Variants in CDKN2B-AS1 observed in about 807,000 individuals in gnomAD.
The protein encoded by CDKN2B-AS1 is CDKN2B and CDKN2A antisense cis and trans regulatory RNA 1, also known as CDKN2B antisense RNA 1 (non-protein coding).
chr9:22,057,402 T>A (rs1438131155), intron 4 of CDKN2B-AS1, among the ~76,000 whole-genome samples: 1 of 152,192 alleles, frequency 6.6e-6, no homozygotes, highest in Non-Finnish European at 1.5e-5. Context: ...GTATTTTTAA[T>A]CAAAATTAAT....
intron 1 of CDKN2B-AS1, among the ~76,000 whole-genome samples, chr9:22,025,690 C>A (rs1284316436): frequency 6.6e-6 from 1 of 152,198 alleles, no homozygotes; most frequent in Non-Finnish European, 1.5e-5. Context: ...GGTGGCCTTC[C>A]TTTCTCTCTG....
intron 3 of CDKN2B-AS1, among the ~76,000 whole-genome samples, chr9:22,050,879 G>T (rs973450049): frequency 6.6e-6 from 1 of 152,184 alleles, no homozygotes; most frequent in Admixed American, 6.5e-5. Context: ...CCTGCAAAGT[G>T]CTCAAGGAAG....
At chr9:22,083,934 C>T (rs1473077492) in intron 4 of CDKN2B-AS1, among the ~76,000 whole-genome samples, 3 of 152,190 alleles carry the variant, frequency 2.0e-5, no homozygotes, top group Admixed American at 6.5e-5. Context: ...ATACTCAAAA[C>T]TTCAGTTTTC....
At chr9:22,099,202 A>G (rs1368477986) in intron 4 of CDKN2B-AS1, among the ~76,000 whole-genome samples, 1 of 152,148 alleles carries the variant, frequency 6.6e-6, no homozygotes, top group Admixed American at 6.5e-5. Context: ...AGAACACTCC[A>G]TTTTTGAGGA....
chr9:22,031,432 A>G (rs952885070), intron 1 of CDKN2B-AS1, among the ~76,000 whole-genome samples: 4 of 152,200 alleles, frequency 2.6e-5, no homozygotes, highest in East Asian at 3.9e-4. Context: ...CATTTTAAAG[A>G]TGAGAAAAGC....
rs148396639 is a variant in CDKN2B-AS1, at chr9:22,055,398, T to C, written n.303-854T>C. 1.5e-3 allele frequency among the ~76,000 whole-genome samples: 233 copies of C among 152,342 alleles called. 4 individuals are homozygous for C. Among genetic ancestry groups the C allele is most frequent in the Middle Eastern group, 6.8e-3 (2 of 294 alleles). The stretch of plus-strand genomic sequence containing the variant: ...GGTTCAGGGATAACAAAAGTTGTTT[T>C]ATCCTTTGGGCTTTTGCAACTTGCC... On this transcript the variant is annotated intron_variant and non_coding_transcript_variant, in intron 3 of 4. Coordinates refer to ENST00000650946, the Ensembl canonical transcript of CDKN2B-AS1.
At chr9:22,106,802 T>A (rs1157085828) in intron 4 of CDKN2B-AS1, among the ~76,000 whole-genome samples, 4 of 152,154 alleles carry the variant, frequency 2.6e-5, no homozygotes, top group Admixed American at 2.0e-4. Flanking sequence ...TACTGAAAAC[T>A]AAATACAGTG....
intron 1 of CDKN2B-AS1, among the ~76,000 whole-genome samples, chr9:22,045,841 A>C (rs973153363): frequency 6.6e-6 from 1 of 152,160 alleles, no homozygotes. Flanking sequence ...TTGTGGTCCA[A>C]GCTCTTCAAA....
At chr9:22,016,480 G>T (rs1318766406) in intron 1 of CDKN2B-AS1, among the ~76,000 whole-genome samples, 2 of 152,260 alleles carry the variant, frequency 1.3e-5, no homozygotes, top group East Asian at 1.9e-4. Context: ...AAAGGAGCCC[G>T]CATTGCCAAG....
intron 4 of CDKN2B-AS1, chr9:22,066,386 G>T (rs1281600982): frequency 6.6e-6 from 1 of 151,506 alleles, no homozygotes; most frequent in African/African-American, 2.4e-5. Context: ...GTAGATAGAG[G>T]TTCTCACTAT....
chr9:22,057,207 T>G (rs796929944), intron 4 of CDKN2B-AS1, among the ~76,000 whole-genome samples: 2 of 152,300 alleles, frequency 1.3e-5, no homozygotes, highest in African/African-American at 4.8e-5. Flanking sequence ...AAAAGTTAAC[T>G]CATAAGTTGT....
chr9:22,050,163 T>TATA (rs1177999340), intron 3 of CDKN2B-AS1, among the ~76,000 whole-genome samples: 2 of 152,228 alleles, frequency 1.3e-5, no homozygotes, highest in Non-Finnish European at 2.9e-5. Flanking sequence ...TAGACTTAAG[T>TATA]ACATAAATGT....
chr9:22,073,813 G>A (rs191672109), intron 4 of CDKN2B-AS1, among the ~76,000 whole-genome samples: 1 of 151,840 alleles, frequency 6.6e-6, no homozygotes, highest in East Asian at 1.9e-4. Context: ...ATAAGATCAT[G>A]TAAATAAAAA....
intron 4 of CDKN2B-AS1, among the ~76,000 whole-genome samples, chr9:22,057,166 T>C (rs976099112): frequency 4.0e-5 from 6 of 151,440 alleles, no homozygotes; most frequent in African/African-American, 1.5e-4. Context: ...AAAATATTAA[T>C]TTTACAGGGA....
intron 4 of CDKN2B-AS1, among the ~76,000 whole-genome samples, chr9:22,105,511 C>G (rs1825628461): frequency 1.3e-5 from 2 of 152,166 alleles, no homozygotes; most frequent in Non-Finnish European, 2.9e-5. Context: ...TTCACAAGGT[C>G]TCTCAAGCAT....
rs1478276402 is a variant in CDKN2B-AS1 at position 22,000,875 on chromosome 9, G to A, written n.29+5714G>A. Among the ~76,000 whole-genome samples the A allele has an allele frequency of 6.6e-6, 1 of 152,104 alleles. No individual in the cohort carries two copies. Among genetic ancestry groups the A allele is most frequent in the African/African-American group, 2.4e-5 (1 of 41,434 alleles). On this transcript the variant is annotated intron_variant and non_coding_transcript_variant, in intron 1 of 4. Coordinates refer to ENST00000650946, the Ensembl canonical transcript of CDKN2B-AS1. The surrounding 1 kb of genome is among the most constrained non-coding windows in gnomAD (Gnocchi z 4.1). ...GATTATCCTTACATATTTGGTTTGG[G>A]ATTACATTGAGAGCTACCTAAATAC... is the stretch of plus-strand genomic sequence containing the variant.
At chr9:22,127,884 A>G (rs10965238) in exon 5 of CDKN2B-AS1, among the ~76,000 whole-genome samples, 31,911 of 152,026 alleles carry the variant, frequency 0.21, 3,603 homozygotes, top group Non-Finnish European at 0.25. Flanking sequence ...CAATGTAAGA[A>G]AAGTAGAGTG....
At chr9:22,019,923 ACTT>A (rs1243526978) in intron 1 of CDKN2B-AS1, among the ~76,000 whole-genome samples, 12 of 152,208 alleles carry the variant, frequency 7.9e-5, no homozygotes, top group Non-Finnish European at 1.5e-5. Flanking sequence ...CATAGGTTAA[ACTT>A]CTGTCATGAG....
intron 4 of CDKN2B-AS1, among the ~76,000 whole-genome samples, chr9:22,068,501 A>G (rs1429127618): frequency 6.6e-6 from 1 of 152,202 alleles, no homozygotes; most frequent in Non-Finnish European, 1.5e-5. Flanking sequence ...CTATGTACCA[A>G]GCCCGAGTTT....
Sources: gnomAD v4.1 joint callset for allele counts (sites outside exome capture counted in the v4.1 genomes callset) on GRCh38, gnomAD v4.1.1 for gene constraint, Gnocchi (gnomAD v3.1) non-coding constraint, MANE v1.5 for transcripts, NCBI Gene and HGNC (gene_info 2026-07-23, HGNC 2026-07-21) for gene names.